The following GOLGA1 variants were observed in gnomAD, a reference collection of about 807,000 sequenced individuals.
GOLGA1 encodes golgin subfamily A member 1.
In GOLGA1, 63 loss-of-function variants were observed where a neutral mutation model predicts 119.7. The ratio of observed to expected loss-of-function variants is 0.53; its 90% CI spans 0.43 to 0.65. The LOEUF (loss-of-function observed/expected upper bound fraction) is 0.65, where lower values mean the gene tolerates loss of function less well. GOLGA1 is among the 30% of genes least tolerant of loss of function. GOLGA1 has a pLI of 0.00. For missense variants in GOLGA1, 798 were observed against 912.8 expected, an observed-to-expected ratio of 0.87 and a Z score of 1.62; for synonymous variants, 318 against 333.4, an observed-to-expected ratio of 0.95 and a Z score of 0.50.
Position 124,908,383 on chromosome 9 carries a change from C to A in GOLGA1, c.1059G>T (p.Glu353Asp), listed in dbSNP as rs372648840. Reference protein sequence around the residue: ...SSQAKAINTLETRVRELEQTL... With the variant: ...SSQAKAINTLDTRVRELEQTL... ...CCAGGAGTAAGGTCAGTACCCGAGT[C>A]TCCAGGGTGTTAATGGCCTTAGCCT... The change falls in exon 12 of 23, where the codon GAG becomes GAT. Residue 353 changes from glutamate to aspartate, a missense_variant. Glu to Asp is a conservative substitution (Grantham distance 45). Coordinates refer to ENST00000373555, the MANE Select transcript of GOLGA1 (RefSeq NM_002077.4). The A allele has an allele frequency of 6.3e-6, 10 of 1,577,004 alleles. No individual in the cohort carries two copies. The highest frequency in any genetic ancestry group is 8.7e-6 in the Non-Finnish European group (10 of 1,145,974).
intron 7 of GOLGA1, among the ~76,000 whole-genome samples, chr9:124,924,756 G>A (rs56112926): frequency 2.7e-5 from 4 of 146,652 alleles, no homozygotes; most frequent in South Asian, 2.1e-4. Context: ...AAGTAGCTTC[G>A]AAGACCTATA....
rs572834822 is a variant in GOLGA1, at chr9:124,940,981, C to T, written c.-216G>A. The stretch of plus-strand genomic sequence containing the variant: ...TCCTGGCCCGCGCACCTGCCTCTCT[C>T]TGGGAAGCCAGCAAAGCCCCGCCTC... On this transcript the variant is annotated 5_prime_UTR_variant, in exon 1 of 23. Coordinates refer to ENST00000373555, the MANE Select transcript of GOLGA1 (RefSeq NM_002077.4). 6.6e-6 allele frequency: 1 copy of T among 152,554 alleles called. No homozygotes were observed. The highest frequency in any genetic ancestry group is 2.1e-4 in the South Asian group (1 of 4,830). The allele number at this position is 152,554 out of a possible 1,614,324, so 9.5% of individuals were successfully genotyped here. A position where few individuals can be genotyped will look rare whatever the true frequency, so the allele number is the denominator to read the frequency against.
intron 3 of GOLGA1, among the ~76,000 whole-genome samples, chr9:124,933,960 T>C (rs764832685): frequency 6.6e-6 from 1 of 151,854 alleles, no homozygotes; most frequent in Non-Finnish European, 1.5e-5. Context: ...GAGTCTGTTT[T>C]AGATCCTTTC....
At chr9:124,899,097 G>A (rs551383776) in intron 14 of GOLGA1, among the ~76,000 whole-genome samples, 2 of 152,310 alleles carry the variant, frequency 1.3e-5, no homozygotes, top group South Asian at 4.1e-4. Context: ...TTGGGAGGCT[G>A]AGGTGGCAGG....
chr9:124,947,950 T>C (rs929251456), exon 1 of GOLGA1: 2 of 152,190 alleles, frequency 1.3e-5, no homozygotes, highest in East Asian at 3.9e-4. Context: ...GTGTTCTCTG[T>C]ATATCAGGCT....
intron 7 of GOLGA1, among the ~76,000 whole-genome samples, chr9:124,925,758 A>G (rs972156958): frequency 6.6e-6 from 1 of 152,198 alleles, no homozygotes; most frequent in African/African-American, 2.4e-5. Flanking sequence ...TCAGATTTCT[A>G]TAGAACAGAA....
In GOLGA1 at chr9:124,879,638, G is replaced by A. The variant is rs1829527629; in HGVS notation, c.*892C>T. On this transcript the variant is annotated 3_prime_UTR_variant, in exon 23 of 23. Coordinates refer to ENST00000373555, the MANE Select transcript of GOLGA1 (RefSeq NM_002077.4). ...ATCCCACTGCACTTCAGAGGGAGCA[G>A]TGCCAGAGTGCGAGTGAGAAGACAA... 1 of 151,238 alleles carries A rather than the reference G, an allele frequency of 6.6e-6. No individual in the cohort carries two copies. The highest frequency in any genetic ancestry group is 2.1e-4 in the South Asian group (1 of 4,790). 9.4% of individuals were successfully genotyped at this position (151,238 alleles called of 1,614,324 possible). A position where few individuals can be genotyped will look rare whatever the true frequency, so the allele number is the denominator to read the frequency against.
intron 7 of GOLGA1, among the ~76,000 whole-genome samples, chr9:124,926,074 G>A (rs187193057): frequency 3.9e-5 from 6 of 152,108 alleles, no homozygotes; most frequent in Non-Finnish European, 7.3e-5. Context: ...AATCAGAACC[G>A]CAGCAGGAAA....
At position 124,921,109 on chromosome 9, in the gene GOLGA1, T is replaced by C; in HGVS notation, c.843+20A>G. On this transcript the variant is annotated intron_variant, in intron 10 of 22. Transcript: ENST00000373555. ...TTATGAATCTTAGAAATCCAGGTCT[T>C]CTCCTCATATTCTACTTACCTTTTG... The C allele has an allele frequency of 7.3e-7, 1 of 1,363,494 alleles. No homozygotes were observed. Among genetic ancestry groups the C allele is most frequent in the Admixed American group, 1.7e-5 (1 of 58,584 alleles). The allele number at this position is 1,363,494 out of a possible 1,614,324, so 84.5% of individuals were successfully genotyped here.
At chr9:124,923,556 A>T (rs1830611389) in intron 7 of GOLGA1, among the ~76,000 whole-genome samples, 1 of 152,224 alleles carries the variant, frequency 6.6e-6, no homozygotes, top group African/African-American at 2.4e-5. Flanking sequence ...TCTTTAATTG[A>T]ATTAATCCTT....
intron 5 of GOLGA1, 138 bp downstream of exon 5, chr9:124,929,078 T>C: frequency 4.6e-6 from 3 of 647,024 alleles, no homozygotes; most frequent in Non-Finnish European, 5.6e-6. Flanking sequence ...AAATGTTATA[T>C]CAACCTGATT....
chr9:124,881,860 A>T lies in GOLGA1; in HGVS notation c.2060T>A (p.Leu687Gln). 6.2e-7 allele frequency: 1 copy of T among 1,613,002 alleles called. No individual in the cohort carries two copies. Among genetic ancestry groups the T allele is most frequent in the African/African-American group, 1.3e-5 (1 of 75,024 alleles). Residue 687 changes from leucine to glutamine, a missense_variant, in exon 21 of 23, where the codon CTG becomes CAG. Leu to Gln is a moderately radical substitution (Grantham distance 113). Coordinates refer to ENST00000373555, the MANE Select transcript of GOLGA1 (RefSeq NM_002077.4). This position sits in a 1 kb window ranked among gnomAD's most constrained non-coding sequence, Gnocchi z 4.9. ...MAPSVTNNTD[L>Q]TDAREINFEY... ...AAAGTTGATCTCGCGGGCATCTGTC[A>T]GGTCAGTGTTATTCGTGACGGAAGG...
chr9:124,890,041 T>C (rs1385487707), intron 16 of GOLGA1, among the ~76,000 whole-genome samples: 1 of 152,130 alleles, frequency 6.6e-6, no homozygotes, highest in Non-Finnish European at 1.5e-5. Flanking sequence ...CCATACTTCC[T>C]GCAAAAACTC....
intron 2 of GOLGA1, among the ~76,000 whole-genome samples, chr9:124,939,550 C>CTTTCTTTTTTTTTTTTT (rs1830954280): frequency 4.9e-5 from 4 of 81,844 alleles, no homozygotes; most frequent in East Asian, 3.0e-4. Context: ...TTCTTTCTTT[C>CTTTCTTTTTTTTTTTTT]TTTTTTTTTT....
intron 3 of GOLGA1, among the ~76,000 whole-genome samples, chr9:124,938,013 G>A (rs950119460): frequency 6.6e-6 from 1 of 151,018 alleles, no homozygotes; most frequent in South Asian, 2.1e-4. Flanking sequence ...AGCCCCAGAG[G>A]CAGAGGTTGT....
At chr9:124,928,890 G>GA (rs1182451791) in intron 5 of GOLGA1, among the ~76,000 whole-genome samples, 13 of 152,134 alleles carry the variant, frequency 8.5e-5, no homozygotes, top group African/African-American at 2.9e-4. Context: ...GCTGTGGTGA[G>GA]AACCCATTTC....
chr9:124,898,477 G>A, intron 15 of GOLGA1, 72 bp downstream of exon 15: 1 of 844,810 alleles, frequency 1.2e-6, no homozygotes, highest in African/African-American at 1.7e-5. Context: ...AGTATGAGAA[G>A]TGGGGCACTG....
At chr9:124,921,309 A>G in intron 9 of GOLGA1, 69 bp from the exon 10 acceptor site, 3 of 899,740 alleles carry the variant, frequency 3.3e-6, no homozygotes, top group Non-Finnish European at 5.6e-6. Flanking sequence ...TTCTGCAGGA[A>G]AAATACAAAT....
intron 10 of GOLGA1, among the ~76,000 whole-genome samples, chr9:124,914,313 C>T (rs989759601): frequency 1.3e-4 from 19 of 152,000 alleles, no homozygotes; most frequent in African/African-American, 4.3e-4. Flanking sequence ...CTGGCTAACA[C>T]GGTGAAACCC....
Sources: gnomAD v4.1 joint callset for allele counts (sites outside exome capture counted in the v4.1 genomes callset) on GRCh38, gnomAD v4.1.1 for gene constraint, Gnocchi (gnomAD v3.1) non-coding constraint, MANE v1.5 for transcripts, NCBI Gene and HGNC (gene_info 2026-07-23, HGNC 2026-07-21) for gene names.